The following PRKAG2 variants were observed in gnomAD, a reference collection of about 807,000 sequenced individuals.
The protein encoded by PRKAG2 is protein kinase AMP-activated non-catalytic subunit gamma 2.
PRKAG2 carries 26 observed loss-of-function variants against 69.6 expected under a neutral mutation model. The observed-to-expected ratio is 0.37, with a 90% CI of 0.27 to 0.52. PRKAG2 has a LOEUF of 0.52. Among genes scored for constraint, PRKAG2 ranks in the 20% least tolerant of loss-of-function variants. The probability of loss-of-function intolerance (pLI) is 0.90; values close to 1 mark genes in which losing one functional copy is unlikely to be tolerated. For missense variants in PRKAG2, 557 were observed against 740.0 expected, an observed-to-expected ratio of 0.75 and a Z score of 2.87; for synonymous variants, 293 against 285.0, an observed-to-expected ratio of 1.03 and a Z score of -0.28.
Position 151,690,685 on chromosome 7 carries a change from G to A in PRKAG2, c.467-15048C>T, listed in dbSNP as rs576670882. Among the ~76,000 whole-genome samples the A allele has an allele frequency of 5.7e-4, 87 of 152,288 alleles. 1 individual carries two copies. Among genetic ancestry groups the A allele is most frequent in the African/African-American group, 2.0e-3 (85 of 41,554 alleles). ...TGATATCTGAATACGGTGCTTAGGG[G>A]AGCCGGGTTTTTTCCACTTCTGATT... is the stretch of plus-strand genomic sequence containing the variant. On this transcript the variant is annotated intron_variant, in intron 3 of 15. Transcript: ENST00000287878.
intron 3 of PRKAG2, among the ~76,000 whole-genome samples, chr7:151,757,964 C>T (rs887096412): frequency 4.6e-5 from 7 of 152,220 alleles, no homozygotes; most frequent in African/African-American, 1.7e-4. Flanking sequence ...ACCACTGCTG[C>T]GATGAAGCCC....
intron 3 of PRKAG2, among the ~76,000 whole-genome samples, chr7:151,688,882 G>T (rs900948917): frequency 7.2e-5 from 11 of 152,054 alleles, no homozygotes; most frequent in Non-Finnish European, 1.6e-4. Context: ...TATTCCGAGG[G>T]GTCTCAAAAT....
At chr7:151,585,127 C>A (rs1811335815) in intron 6 of PRKAG2, among the ~76,000 whole-genome samples, 1 of 152,082 alleles carries the variant, frequency 6.6e-6, no homozygotes, top group Non-Finnish European at 1.5e-5. Flanking sequence ...AAAAAAGCAT[C>A]AAATTTCTCT....
intron 4 of PRKAG2, among the ~76,000 whole-genome samples, chr7:151,646,476 G>C (rs1827582203): frequency 6.6e-6 from 1 of 152,004 alleles, no homozygotes; most frequent in African/African-American, 2.4e-5. Context: ...TTTCCCAATT[G>C]TTTGCTGTTA....
chr7:151,723,084 A>G (rs1251941306), intron 3 of PRKAG2, among the ~76,000 whole-genome samples: 1 of 152,162 alleles, frequency 6.6e-6, no homozygotes, highest in Non-Finnish European at 1.5e-5. Flanking sequence ...CTGTGTCCAC[A>G]GCCCCGGCTC....
chr7:151,851,065 A>T (rs567762400), intron 1 of PRKAG2, among the ~76,000 whole-genome samples: 12 of 152,242 alleles, frequency 7.9e-5, no homozygotes, highest in Middle Eastern at 3.4e-3. Flanking sequence ...TTTATCTGGG[A>T]TCGAGCCACT....
At chr7:151,691,715 T>C in intron 3 of PRKAG2, among the ~76,000 whole-genome samples, 1 of 152,226 alleles carries the variant, frequency 6.6e-6, no homozygotes, top group East Asian at 1.9e-4. Context: ...TTGTCACTGG[T>C]GGAAATACAA....
chr7:151,611,547 G>A (rs1423418546), intron 5 of PRKAG2, among the ~76,000 whole-genome samples: 1 of 152,200 alleles, frequency 6.6e-6, no homozygotes, highest in Non-Finnish European at 1.5e-5. Context: ...TGGAGGCCAG[G>A]TTAGTGAGCA....
In PRKAG2 at chr7:151,751,523, T is replaced by A. The variant is rs548069216; in HGVS notation, c.466+29629A>T. Among the ~76,000 whole-genome samples, 15 of 136,328 alleles carry A rather than the reference T, an allele frequency of 1.1e-4. No individual in the cohort carries two copies. In the South Asian group the frequency reaches 1.9e-3, roughly 17 times the overall value. The allele number at this position is 136,328 out of a possible 152,430, so 89.4% of individuals were successfully genotyped here. ...TTATTATTTATTTATTTATTTATTT[T>A]TTTGAGACAGGTTCTCGCTTTGTCG... On this transcript the variant is annotated intron_variant, in intron 3 of 15. Transcript: ENST00000287878.
In PRKAG2 at chr7:151,765,220, C is replaced by T. The variant is rs564842370; in HGVS notation, c.466+15932G>A. Reference sequence around the variant, plus strand: ...TCTACAGGAAGCATGGCTGGGGAGGCCTCAGGAAACTTACAATCATGGCAG... The same window carrying T: ...TCTACAGGAAGCATGGCTGGGGAGGTCTCAGGAAACTTACAATCATGGCAG... On this transcript the variant is annotated intron_variant, in intron 3 of 15. Coordinates refer to ENST00000287878, the MANE Select transcript of PRKAG2 (RefSeq NM_016203.4). 4.6e-5 allele frequency among the ~76,000 whole-genome samples: 7 copies of T among 152,246 alleles called. 1 individual carries two copies. The South Asian group carries it at 1.5e-3, about 32-fold the overall frequency.
chr7:151,568,890 A>T, intron 10 of PRKAG2, 48 bp from the exon 11 acceptor site: 1 of 1,609,482 alleles, frequency 6.2e-7, no homozygotes, highest in Non-Finnish European at 8.5e-7. Context: ...GAGAAAAATC[A>T]GAACACTTTG....
chr7:151,740,804 A>G (rs1292909049), intron 3 of PRKAG2, among the ~76,000 whole-genome samples: 1 of 152,148 alleles, frequency 6.6e-6, no homozygotes, highest in African/African-American at 2.4e-5. Flanking sequence ...GAGGGTGTGA[A>G]GAAGAGGGGG....
At chr7:151,873,901 A>G (rs1261558420) in intron 1 of PRKAG2, among the ~76,000 whole-genome samples, 1 of 152,124 alleles carries the variant, frequency 6.6e-6, no homozygotes, top group Non-Finnish European at 1.5e-5. Flanking sequence ...CAACCACTGG[A>G]CAATGGCATG....
chr7:151,559,211 G>A (rs151248947), intron 15 of PRKAG2: 2 of 970,134 alleles, frequency 2.1e-6, no homozygotes, highest in Non-Finnish European at 1.2e-6. Context: ...TTCCTCCACT[G>A]TTGAATGCAG....
intron 3 of PRKAG2, among the ~76,000 whole-genome samples, chr7:151,701,687 C>CA (rs1837712408): frequency 1.3e-5 from 2 of 151,932 alleles, no homozygotes; most frequent in Non-Finnish European, 2.9e-5. Flanking sequence ...ACTAAAAATA[C>CA]AAAAAATTAG....
intron 8 of PRKAG2, among the ~76,000 whole-genome samples, chr7:151,573,694 T>C (rs116035310): frequency 0.013 from 2,037 of 152,298 alleles, 31 homozygotes; most frequent in African/African-American, 0.047. Flanking sequence ...TTCACTTGCA[T>C]TGGTAATATT....
In PRKAG2 at chr7:151,699,079, G is replaced by C. The variant is rs1427413880; in HGVS notation, c.467-23442C>G. On this transcript the variant is annotated intron_variant, in intron 3 of 15. Transcript: ENST00000287878. The surrounding 1 kb of genome is among the most constrained non-coding windows in gnomAD (Gnocchi z 4.5). ...ACAGGAAATGACCTGCAAGTCTGCA[G>C]AGCCAGTCTGCAAACTCTGGGGAGC... Among the ~76,000 whole-genome samples the C allele has an allele frequency of 6.6e-6, 1 of 152,216 alleles. No homozygotes were observed. The highest frequency in any genetic ancestry group is 2.4e-5 in the African/African-American group (1 of 41,450).
At chr7:151,626,587 C>T (rs914421471) in intron 5 of PRKAG2, among the ~76,000 whole-genome samples, 1 of 152,150 alleles carries the variant, frequency 6.6e-6, no homozygotes. Flanking sequence ...AGACTGTGCC[C>T]ACACACCTGC....
chr7:151,696,081 T>C (rs1184822734), intron 3 of PRKAG2, among the ~76,000 whole-genome samples: 3 of 152,194 alleles, frequency 2.0e-5, no homozygotes, highest in Non-Finnish European at 4.4e-5. Flanking sequence ...CCCAGTGGCT[T>C]AGCCTCCTAT....
Sources: gnomAD v4.1 joint callset for allele counts (sites outside exome capture counted in the v4.1 genomes callset) on GRCh38, gnomAD v4.1.1 for gene constraint, Gnocchi (gnomAD v3.1) non-coding constraint, MANE v1.5 for transcripts, NCBI Gene and HGNC (gene_info 2026-07-23, HGNC 2026-07-21) for gene names.